The following POU2F1 variants were observed in gnomAD, a reference collection of about 807,000 sequenced individuals.
The protein encoded by POU2F1 is POU class 2 homeobox 1, also known as POU domain, class 2, transcription factor 1.
POU2F1 carries 16 observed loss-of-function variants against 84.9 expected under a neutral mutation model. That is an observed-to-expected ratio of 0.19 (90% confidence interval 0.13 to 0.29). POU2F1 has a LOEUF of 0.29. POU2F1 is among the 10% of genes least tolerant of loss of function. POU2F1 has a pLI of 1.00. For synonymous variants in POU2F1, 368 were observed against 368.3 expected (o/e 1.00, Z 0.01); for missense variants, 738 against 942.6 (o/e 0.78, Z 2.84).
intron 1 of POU2F1, among the ~76,000 whole-genome samples, chr1:167,304,613 A>G (rs1242897293): frequency 1.3e-5 from 2 of 152,304 alleles, no homozygotes; most frequent in African/African-American, 4.8e-5. Flanking sequence ...GTGTTGAGAA[A>G]CCATATATTC....
chr1:167,296,109 C>A (rs1654274438), intron 1 of POU2F1, among the ~76,000 whole-genome samples: 1 of 151,666 alleles, frequency 6.6e-6, no homozygotes, highest in African/African-American at 2.4e-5. Context: ...TTGGTGGAGA[C>A]TCAAAGTAGT....
intron 1 of POU2F1, among the ~76,000 whole-genome samples, chr1:167,307,426 G>A (rs1257009174): frequency 6.6e-6 from 1 of 151,128 alleles, no homozygotes; most frequent in African/African-American, 2.4e-5. Flanking sequence ...TTGTGACTAG[G>A]GATTTCTGAG....
Position 167,422,426 on chromosome 1 carries a change from C to A in POU2F1, c.*6616C>A, listed in dbSNP as rs1462380046. The A allele has an allele frequency of 6.6e-6, 1 of 152,218 alleles. No homozygotes were observed. The highest frequency in any genetic ancestry group is 1.9e-4 in the East Asian group (1 of 5,202). 9.4% of individuals were successfully genotyped at this position (152,218 alleles called of 1,614,324 possible). On this transcript the variant is annotated 3_prime_UTR_variant, in exon 16 of 16. Coordinates refer to ENST00000367866, the MANE Select transcript of POU2F1 (RefSeq NM_002697.4). ...TAAAACCTTACTTACTTTTCTCATA[C>A]CAAGGCTAGTTCTTTCTAGACCAAA...
At chr1:167,286,643 G>A (rs1653549938) in intron 1 of POU2F1, among the ~76,000 whole-genome samples, 2 of 152,146 alleles carry the variant, frequency 1.3e-5, no homozygotes, top group African/African-American at 4.8e-5. Context: ...TAAAATCAGG[G>A]CAGAGAAATA....
intron 15 of POU2F1, 58 bp from the exon 16 acceptor site, chr1:167,415,442 C>G: frequency 6.5e-7 from 1 of 1,548,540 alleles, no homozygotes; most frequent in Admixed American, 1.8e-5. Context: ...TATTTGGCTT[C>G]TCCAGGATGA....
chr1:167,348,623 A>G (rs4142888), intron 2 of POU2F1, among the ~76,000 whole-genome samples: 60,778 of 151,966 alleles, frequency 0.4, 14,979 homozygotes, highest in East Asian at 0.72. Context: ...CTTTTTTCCA[A>G]TGTTTTTGTG....
intron 1 of POU2F1, among the ~76,000 whole-genome samples, chr1:167,257,502 G>C (rs1651231510): frequency 6.6e-6 from 1 of 152,160 alleles, no homozygotes; most frequent in Non-Finnish European, 1.5e-5. Context: ...GAACCGTATA[G>C]GGCTGAACAT....
intron 2 of POU2F1, among the ~76,000 whole-genome samples, chr1:167,340,367 A>G (rs1002369792): frequency 6.6e-6 from 1 of 151,796 alleles, no homozygotes; most frequent in African/African-American, 2.4e-5. Flanking sequence ...GGTGTGAGCA[A>G]CTGCACCCAG....
At chr1:167,340,143 G>A (rs548553930) in intron 2 of POU2F1, among the ~76,000 whole-genome samples, 4 of 152,172 alleles carry the variant, frequency 2.6e-5, no homozygotes, top group South Asian at 2.1e-4. Flanking sequence ...GCAATGGCAC[G>A]ATCCTGGCTC....
chr1:167,296,813 A>G (rs577273868), intron 1 of POU2F1, among the ~76,000 whole-genome samples: 1 of 152,352 alleles, frequency 6.6e-6, no homozygotes, highest in Non-Finnish European at 1.5e-5. Context: ...ATTTCCAATT[A>G]TATGCAAAGC....
At chr1:167,221,141 G>A (rs550428679) in intron 1 of POU2F1, among the ~76,000 whole-genome samples, 183 bp downstream of exon 1, 1 of 151,570 alleles carries the variant, frequency 6.6e-6, no homozygotes, top group South Asian at 2.1e-4. Context: ...GAGGCTCGGA[G>A]CGGCCAGGCG....
chr1:167,227,884 G>C (rs966811182), intron 1 of POU2F1, among the ~76,000 whole-genome samples: 4 of 152,210 alleles, frequency 2.6e-5, no homozygotes, highest in African/African-American at 9.7e-5. Context: ...ATAGCTGGAA[G>C]GTAATTTAGA....
At chr1:167,297,659 T>C (rs1571249905) in intron 1 of POU2F1, among the ~76,000 whole-genome samples, 2 of 152,316 alleles carry the variant, frequency 1.3e-5, no homozygotes, top group Admixed American at 6.5e-5. Context: ...GCCCTTTCCT[T>C]GTCCTTGCTC....
At chr1:167,283,681 T>G (rs901049593) in intron 1 of POU2F1, among the ~76,000 whole-genome samples, 11 of 152,188 alleles carry the variant, frequency 7.2e-5, no homozygotes, top group African/African-American at 2.7e-4. Flanking sequence ...CTTTCTGTTG[T>G]GTTTGAGAAG....
At position 167,421,148 on chromosome 1, in the gene POU2F1, A is replaced by G. The variant is rs946284562; in HGVS notation, c.*5338A>G. The G allele has an allele frequency of 6.6e-6, 1 of 152,210 alleles. No homozygotes were observed. The highest frequency in any genetic ancestry group is 1.5e-5 in the Non-Finnish European group (1 of 68,038). 9.4% of individuals were successfully genotyped at this position (152,210 alleles called of 1,614,324 possible). ...CAACATTTTGAGGATGACACTTTAT[A>G]AAATGGTAAATCTTTCTCAGCGTTT... On this transcript the variant is annotated 3_prime_UTR_variant, in exon 16 of 16. Transcript: ENST00000367866.
At position 167,412,125 on chromosome 1, in the gene POU2F1, T is replaced by C. The variant is rs781667747; in HGVS notation, c.1722T>C (p.Thr574=). The C allele has an allele frequency of 2.8e-5, 46 of 1,614,054 alleles. No individual in the cohort carries two copies. In the South Asian group the frequency reaches 5.1e-4, roughly 18 times the overall value. ...SETSTTQTTS[T]PLSSPLGTSQ... ...CCAGCACAACACAGACCACCTCCACTCCTTTGTCCTCCCCTCTTGGGACCA... is the reference window on the plus strand; with the variant it reads ...CCAGCACAACACAGACCACCTCCACCCCTTTGTCCTCCCCTCTTGGGACCA... Residue 574 remains threonine (T), a synonymous_variant, in exon 14 of 16, where the codon ACT becomes ACC. Coordinates refer to ENST00000367866, the MANE Select transcript of POU2F1 (RefSeq NM_002697.4).
intron 2 of POU2F1, among the ~76,000 whole-genome samples, 190 bp from the exon 3 acceptor site, chr1:167,365,276 CT>C (rs1659614092): frequency 1.3e-5 from 2 of 152,176 alleles, no homozygotes; most frequent in African/African-American, 4.8e-5. Flanking sequence ...TGTTTGTGTA[CT>C]TGTCATGCAG....
chr1:167,399,899 T>C (rs1649075655), intron 12 of POU2F1, among the ~76,000 whole-genome samples: 1 of 150,826 alleles, frequency 6.6e-6, no homozygotes, highest in African/African-American at 2.4e-5. Flanking sequence ...GGTCTTGAAC[T>C]CCTGACCTCA....
At chr1:167,237,746 G>GTGTGTGTATATATATATA (rs1478366181) in intron 1 of POU2F1, among the ~76,000 whole-genome samples, 14 of 72,988 alleles carry the variant, frequency 1.9e-4, no homozygotes, top group Non-Finnish European at 2.9e-4. Flanking sequence ...ATGTGTGTGT[G>GTGTGTGTATATATATATA]TATATATATA....
Sources: gnomAD v4.1 joint callset for allele counts (sites outside exome capture counted in the v4.1 genomes callset) on GRCh38, gnomAD v4.1.1 for gene constraint, MANE v1.5 for transcripts, NCBI Gene and HGNC (gene_info 2026-07-23, HGNC 2026-07-21) for gene names.